The following TCERG1L variants were observed in gnomAD, a reference collection of about 807,000 sequenced individuals.
The protein encoded by TCERG1L is transcription elongation regulator 1-like protein.
In TCERG1L, 37 loss-of-function variants were observed where a neutral mutation model predicts 56.3. That is an observed-to-expected ratio of 0.66 (90% CI 0.51 to 0.87). TCERG1L has a LOEUF of 0.87. Ranked by LOEUF, TCERG1L falls within the 40% of genes least tolerant of loss-of-function variation. The pLI is 0.00. For missense variants in TCERG1L, 799 were observed against 774.2 expected (o/e 1.03, Z -0.38); for synonymous variants, 324 against 326.3 (o/e 0.99, Z 0.08).
intron 4 of TCERG1L, among the ~76,000 whole-genome samples, chr10:131,242,173 G>A (rs773453416): frequency 2.6e-5 from 4 of 152,142 alleles, no homozygotes; most frequent in Admixed American, 6.6e-5. Context: ...TAATACATTC[G>A]GGGAACGTGG....
intron 4 of TCERG1L, among the ~76,000 whole-genome samples, chr10:131,184,856 A>G (rs1845219321): frequency 1.3e-5 from 2 of 152,260 alleles, no homozygotes; most frequent in Non-Finnish European, 1.5e-5. Flanking sequence ...TCCTTTAGCC[A>G]TGAGGCAAGA....
At position 131,146,720 on chromosome 10, in the gene TCERG1L, T is replaced by C. The variant is rs184462737; in HGVS notation, c.1035-60A>G. On this transcript the variant is annotated intron_variant, in intron 6 of 11. Transcript: ENST00000368642. ...CGGAGACACTTAATTAGAAAGTCGT[T>C]AGCATGAACTCTCACTGAAAAAGCC... 7.8e-6 allele frequency: 12 copies of C among 1,537,638 alleles called. No individual in the cohort carries two copies. In the East Asian group the frequency reaches 2.5e-4, roughly 32 times the overall value.
intron 3 of TCERG1L, among the ~76,000 whole-genome samples, chr10:131,264,641 C>A (rs986786606): frequency 6.6e-5 from 10 of 152,196 alleles, no homozygotes; most frequent in Non-Finnish European, 1.3e-4. Context: ...GCCAGTCACG[C>A]TCCCAGCACA....
chr10:131,111,681 C>T (rs1336074383), intron 9 of TCERG1L, among the ~76,000 whole-genome samples: 1 of 143,044 alleles, frequency 7.0e-6, no homozygotes, highest in Non-Finnish European at 1.6e-5. Flanking sequence ...ACCTTCCCCT[C>T]GTCCACGCCC....
At chr10:131,105,518 T>C (rs1845343603) in intron 9 of TCERG1L, among the ~76,000 whole-genome samples, 1 of 152,158 alleles carries the variant, frequency 6.6e-6, no homozygotes, top group South Asian at 2.1e-4. Flanking sequence ...CTCATGGATA[T>C]TTAGCCCATG....
rs76046161 is a variant in TCERG1L, at chr10:131,257,768, C to T, written c.856+2491G>A. ...CCAAAACACATGGATAGTCACACTG[C>T]CAAATACCCTCTGGTTGCAGAATTG... On this transcript the variant is annotated intron_variant, in intron 4 of 11. Coordinates refer to ENST00000368642, the MANE Select transcript of TCERG1L (RefSeq NM_174937.4). 1.9e-3 allele frequency among the ~76,000 whole-genome samples: 286 copies of T among 152,264 alleles called. 5 individuals carry two copies. The East Asian group carries it at 0.036, about 19-fold the overall frequency.
chr10:131,298,074 T>C (rs1846717880), intron 3 of TCERG1L, among the ~76,000 whole-genome samples: 2 of 152,036 alleles, frequency 1.3e-5, no homozygotes, highest in East Asian at 1.9e-4. Context: ...ATCTTTACTA[T>C]ATCCTTAGAT....
intron 4 of TCERG1L, among the ~76,000 whole-genome samples, chr10:131,229,701 A>G (rs1845829000): frequency 6.6e-6 from 1 of 152,084 alleles, no homozygotes; most frequent in Non-Finnish European, 1.5e-5. Context: ...CTAAATATTT[A>G]GAATATTTAT....
At chr10:131,282,991 G>C (rs991109481) in intron 3 of TCERG1L, among the ~76,000 whole-genome samples, 8 of 152,196 alleles carry the variant, frequency 5.3e-5, no homozygotes, top group African/African-American at 1.7e-4. Context: ...GGAATCTATT[G>C]AATCTATTGA....
chr10:131,155,162 C>T (rs1426414674), intron 6 of TCERG1L, among the ~76,000 whole-genome samples: 1 of 152,204 alleles, frequency 6.6e-6, no homozygotes, highest in African/African-American at 2.4e-5. Context: ...ACGGCACCAA[C>T]AACGGAGGCT....
At chr10:131,140,652 C>T (rs749982888) in intron 7 of TCERG1L, among the ~76,000 whole-genome samples, 12 of 152,210 alleles carry the variant, frequency 7.9e-5, no homozygotes, top group South Asian at 2.1e-4. Context: ...TCCTCCTGCA[C>T]GGGCCAAGAC....
chr10:131,304,947 T>C (rs1298487910), intron 3 of TCERG1L, among the ~76,000 whole-genome samples: 1 of 152,076 alleles, frequency 6.6e-6, no homozygotes, highest in East Asian at 1.9e-4. Flanking sequence ...CTGCCACGTC[T>C]CCTCCAGCAG....
In TCERG1L at chr10:131,117,082, G is replaced by A. The variant is rs145821313; in HGVS notation, c.1260-148C>T. ...TATAAAGCCTGAGGCGGTCTCCCTC[G>A]CAAAGATGGCACATTTGCTCTTGGC... On this transcript the variant is annotated intron_variant, in intron 8 of 11. Coordinates refer to ENST00000368642, the MANE Select transcript of TCERG1L (RefSeq NM_174937.4). 2,360 of 1,092,544 alleles carry A rather than the reference G, an allele frequency of 2.2e-3. 9 individuals carry two copies. Among genetic ancestry groups the A allele is most frequent in the Middle Eastern group, 4.4e-3 (20 of 4,570 alleles). The allele number at this position is 1,092,544 out of a possible 1,614,324, so 67.7% of individuals were successfully genotyped here.
At chr10:131,116,296 G>C (rs2133389657) in intron 9 of TCERG1L, among the ~76,000 whole-genome samples, 1 of 152,312 alleles carries the variant, frequency 6.6e-6, no homozygotes, top group Non-Finnish European at 1.5e-5. Context: ...AGTACCACTA[G>C]GTAGGATGGA....
chr10:131,311,517 AC>A lies in TCERG1L; in HGVS notation c.118del (p.Val40SerfsTer85). On this transcript the variant is annotated frameshift_variant, in exon 1 of 12. Transcript: ENST00000368642. LOFTEE classifies it high-confidence loss of function. The surrounding 1 kb of genome is among the most constrained non-coding windows in gnomAD (Gnocchi z 4.0). ...DAEPPPPPPW[V>X]WMVPGSAGLL... ...CCCGGCCGAGCCCGGCACCATCCAG[AC>A]CCAGGGCGGCGGCGGCGGCGGCTCT... 8.6e-7 allele frequency: 1 copy of A among 1,169,226 alleles called. No individual in the cohort carries two copies. Among genetic ancestry groups the A allele is most frequent in the Non-Finnish European group, 1.1e-6 (1 of 947,710 alleles). 72.4% of individuals were successfully genotyped at this position (1,169,226 alleles called of 1,614,324 possible). A position where few individuals can be genotyped will look rare whatever the true frequency, so the allele number is the denominator to read the frequency against.
intron 6 of TCERG1L, among the ~76,000 whole-genome samples, chr10:131,149,526 A>G (rs12248372): frequency 0.2 from 30,685 of 152,092 alleles, 3,441 homozygotes; most frequent in East Asian, 0.35. Flanking sequence ...TTCAGCTACT[A>G]TATGAACTCT....
intron 1 of TCERG1L, among the ~76,000 whole-genome samples, chr10:131,310,381 A>G (rs1435421236): frequency 2.0e-5 from 3 of 152,264 alleles, no homozygotes; most frequent in Non-Finnish European, 2.9e-5. Flanking sequence ...TTAAGTCTAA[A>G]GACCAATTTA....
chr10:131,173,718 G>A (rs539211195), intron 4 of TCERG1L, among the ~76,000 whole-genome samples: 2 of 152,376 alleles, frequency 1.3e-5, no homozygotes, highest in Non-Finnish European at 2.9e-5. Flanking sequence ...GGGGTGCCAT[G>A]TAGTGCAGGG....
chr10:131,166,784 C>T lies in TCERG1L; in HGVS notation c.945+13G>A. Reference sequence around the variant, plus strand: ...TTTGTGTCTTTAACACACACACGAGCCCCGAAACTGACCTTGTCTTCTTTG... The same window carrying T: ...TTTGTGTCTTTAACACACACACGAGTCCCGAAACTGACCTTGTCTTCTTTG... On this transcript the variant is annotated intron_variant, in intron 5 of 11. Transcript: ENST00000368642. 1 of 1,613,760 alleles carries T rather than the reference C, an allele frequency of 6.2e-7. No individual in the cohort carries two copies. The highest frequency in any genetic ancestry group is 2.2e-5 in the East Asian group (1 of 44,864).
Sources: allele counts gnomAD v4.1 joint callset (sites outside exome capture counted in the v4.1 genomes callset), GRCh38; gene constraint gnomAD v4.1.1; non-coding constraint Gnocchi (gnomAD v3.1); transcripts MANE v1.5; gene names NCBI Gene and HGNC (gene_info 2026-07-23, HGNC 2026-07-21).